The following MALRD1 variants were observed in gnomAD, a reference collection of about 807,000 sequenced individuals.
The protein encoded by MALRD1 is MAM and LDL receptor class A domain containing 1.
In MALRD1, 247 loss-of-function variants were observed where a neutral mutation model predicts 242.1. The ratio of observed to expected loss-of-function variants is 1.02; its 90% CI spans 0.92 to 1.13. The LOEUF is 1.13. MALRD1 is among the 50% of genes most tolerant of loss of function. MALRD1 has a pLI of 0.00. For missense variants in MALRD1, 2,989 were observed against 2,533.1 expected, an observed-to-expected ratio of 1.18 and a Z score of -3.86; for synonymous variants, 995 against 866.6, an observed-to-expected ratio of 1.15 and a Z score of -2.60.
At chr10:19,378,606 T>G (rs1027824566) in intron 26 of MALRD1, among the ~76,000 whole-genome samples, 1 of 152,178 alleles carries the variant, frequency 6.6e-6, no homozygotes. Context: ...TATCTTGTGA[T>G]TTTCCCTTCA....
At position 19,352,248 on chromosome 10, in the gene MALRD1, A is replaced by G. The variant is rs748992275; in HGVS notation, c.4392A>G (p.Leu1464=). 17 of 1,550,392 alleles carry G rather than the reference A, an allele frequency of 1.1e-5. No homozygotes were observed. Among genetic ancestry groups the G allele is most frequent in the East Asian group, 2.4e-5 (1 of 40,896 alleles). The change falls in exon 26 of 40, where the codon CTA becomes CTG. Residue 1464 remains leucine, a synonymous_variant. Coordinates refer to ENST00000454679, the MANE Select transcript of MALRD1 (RefSeq NM_001142308.3). ...LDDIVLTENC[L]SLHDSVQEEL... is the part of the protein sequence containing the mutation. ...ACATTGTGCTTACAGAAAATTGTCT[A>G]TCACTCCATGATTCCGTGCAAGAAG...
At chr10:19,290,353 A>G (rs1213281485) in intron 21 of MALRD1, 3 of 152,204 alleles carry the variant, frequency 2.0e-5, no homozygotes, top group Admixed American at 1.3e-4. Context: ...CATTTTCAGC[A>G]CAGAGTTCGG....
chr10:19,495,658 CCAGA>C lies in MALRD1; in HGVS notation c.5159-2824_5159-2821del, dbSNP rs199542689. Among the ~76,000 whole-genome samples the C allele has an allele frequency of 2.4e-3, 366 of 152,198 alleles. 6 individuals are homozygous for C. In the East Asian group the frequency reaches 0.049, roughly 21 times the overall value. Reference sequence around the variant, plus strand: ...CACAGACCAGTGACACTGTAAGCAACCAGACAAACAAATCTGCATGACAACCAGC... The same window carrying C: ...CACAGACCAGTGACACTGTAAGCAACCAAACAAATCTGCATGACAACCAGC... On this transcript the variant is annotated intron_variant, in intron 30 of 39. Coordinates refer to ENST00000454679, the MANE Select transcript of MALRD1 (RefSeq NM_001142308.3).
At chr10:19,494,234 A>G (rs756726734) in intron 30 of MALRD1, among the ~76,000 whole-genome samples, 1 of 152,230 alleles carries the variant, frequency 6.6e-6, no homozygotes, top group Non-Finnish European at 1.5e-5. Flanking sequence ...GAAGACCCTG[A>G]GCAAAGCCTC....
chr10:19,153,380 C>T (rs1418316823), intron 11 of MALRD1, among the ~76,000 whole-genome samples: 1 of 152,114 alleles, frequency 6.6e-6, no homozygotes, highest in South Asian at 2.1e-4. Flanking sequence ...TTTCTAAGAT[C>T]TGAGGTTTCT....
rs113817794 is a variant in MALRD1 at position 19,331,344 on chromosome 10, A to T, written c.3688-25A>T. The T allele has an allele frequency of 1.2e-5, 19 of 1,536,320 alleles. No homozygotes were observed. The African/African-American group carries it at 1.4e-4, about 11-fold the overall frequency. On this transcript the variant is annotated intron_variant, in intron 23 of 39. Coordinates refer to ENST00000454679, the MANE Select transcript of MALRD1 (RefSeq NM_001142308.3). ...TTTTGAACTTCTTGATTGACAGTTT[A>T]ACTGTAACTGGCTTTTTTTTTTAGA...
intron 21 of MALRD1, among the ~76,000 whole-genome samples, chr10:19,316,753 A>T (rs574361893): frequency 6.6e-6 from 1 of 151,974 alleles, no homozygotes; most frequent in African/African-American, 2.4e-5. Context: ...ACAGAATAGA[A>T]TGGTGGTTAT....
chr10:19,082,343 A>C (rs1429979529), intron 2 of MALRD1, among the ~76,000 whole-genome samples: 1 of 151,764 alleles, frequency 6.6e-6, no homozygotes, highest in Non-Finnish European at 1.5e-5. Context: ...CACAAATTAC[A>C]TCATTACATA....
intron 36 of MALRD1, among the ~76,000 whole-genome samples, chr10:19,624,638 G>C (rs79101723): frequency 1.1e-3 from 166 of 152,114 alleles, no homozygotes; most frequent in Admixed American, 2.0e-3. Context: ...GGTCAGGGCA[G>C]GTGGATCACT....
chr10:19,680,018 T>G (rs1842302993), intron 36 of MALRD1, among the ~76,000 whole-genome samples: 1 of 152,154 alleles, frequency 6.6e-6, no homozygotes, highest in Non-Finnish European at 1.5e-5. Context: ...GAGAGACTGT[T>G]TGTTTCTTTT....
intron 38 of MALRD1, among the ~76,000 whole-genome samples, chr10:19,715,590 G>C (rs961781791): frequency 6.6e-6 from 1 of 152,098 alleles, no homozygotes; most frequent in African/African-American, 2.4e-5. Context: ...AACCCCCAGT[G>C]CTTAGTAGAA....
At chr10:19,295,814 G>A (rs1271529809) in intron 21 of MALRD1, among the ~76,000 whole-genome samples, 1 of 152,104 alleles carries the variant, frequency 6.6e-6, no homozygotes, top group South Asian at 2.1e-4. Flanking sequence ...ATTGCCTGGA[G>A]ATTTGTTAAA....
At chr10:19,075,760 G>C (rs1191112380) in intron 2 of MALRD1, among the ~76,000 whole-genome samples, 1 of 152,022 alleles carries the variant, frequency 6.6e-6, no homozygotes, top group Non-Finnish European at 1.5e-5. Context: ...AAGCCACACC[G>C]TGCTGGGACT....
chr10:19,159,736 C>T (rs1024106476), intron 12 of MALRD1, among the ~76,000 whole-genome samples: 1 of 151,990 alleles, frequency 6.6e-6, no homozygotes, highest in African/African-American at 2.4e-5. Flanking sequence ...TATCAGAGAG[C>T]CCAAGGTCCC....
intron 18 of MALRD1, among the ~76,000 whole-genome samples, chr10:19,214,303 G>A (rs998251073): frequency 6.6e-6 from 1 of 152,148 alleles, no homozygotes; most frequent in Non-Finnish European, 1.5e-5. Context: ...CATAAATTAG[G>A]GCAGTTGATA....
At chr10:19,534,863 A>G (rs964287901) in intron 32 of MALRD1, among the ~76,000 whole-genome samples, 3 of 115,846 alleles carry the variant, frequency 2.6e-5, no homozygotes, top group African/African-American at 9.9e-5. Context: ...TATTTTATTT[A>G]TAAAGTTTTT....
intron 32 of MALRD1, among the ~76,000 whole-genome samples, chr10:19,559,397 A>G (rs1835864483): frequency 6.6e-6 from 1 of 152,110 alleles, no homozygotes; most frequent in African/African-American, 2.4e-5. Flanking sequence ...ACTTTAAACT[A>G]TATGCATTCA....
intron 26 of MALRD1, among the ~76,000 whole-genome samples, chr10:19,384,842 C>T (rs538839641): frequency 3.5e-4 from 53 of 150,558 alleles, no homozygotes; most frequent in African/African-American, 2.4e-4. Context: ...ATTCTTTGCT[C>T]CTTATGCTAG....
intron 31 of MALRD1, among the ~76,000 whole-genome samples, chr10:19,505,368 G>A (rs1475768270): frequency 2.0e-5 from 3 of 152,098 alleles, no homozygotes; most frequent in African/African-American, 7.2e-5. Flanking sequence ...GGGGTCATAA[G>A]AGTCTTAGTT....
Sources: allele counts gnomAD v4.1 joint callset (sites outside exome capture counted in the v4.1 genomes callset), GRCh38; gene constraint gnomAD v4.1.1; transcripts MANE v1.5; gene names NCBI Gene and HGNC (gene_info 2026-07-23, HGNC 2026-07-21).